The following GRIK2 variants were observed in gnomAD, a reference collection of about 807,000 sequenced individuals.
The protein encoded by GRIK2 is glutamate ionotropic receptor kainate type subunit 2, also known as glutamate receptor ionotropic, kainate 2.
In GRIK2, 32 loss-of-function variants were observed where a neutral mutation model predicts 100.3. The ratio of observed to expected loss-of-function variants is 0.32; its 90% CI spans 0.24 to 0.43. The LOEUF (loss-of-function observed/expected upper bound fraction) is 0.43, where lower values mean the gene tolerates loss of function less well. Among genes scored for constraint, GRIK2 ranks in the 20% least tolerant of loss-of-function variants. The pLI, the probability that GRIK2 is intolerant of heterozygous loss-of-function variation, is 1.00. For synonymous variants in GRIK2, 417 were observed against 389.4 expected (o/e 1.07, Z -0.83); for missense variants, 843 against 1,114.9 (o/e 0.76, Z 3.47).
chr6:101,969,995 A>C (rs1792940116), intron 14 of GRIK2, among the ~76,000 whole-genome samples: 1 of 151,914 alleles, frequency 6.6e-6, no homozygotes, highest in Admixed American at 6.6e-5. Flanking sequence ...CATCTCACCT[A>C]ATTCAATTTT....
At chr6:102,018,977 C>T (rs185400676) in intron 14 of GRIK2, among the ~76,000 whole-genome samples, 6 of 151,810 alleles carry the variant, frequency 4.0e-5, no homozygotes, top group South Asian at 2.1e-4. Flanking sequence ...TTTTTTTCTG[C>T]GAAGGGGTTT....
intron 7 of GRIK2, among the ~76,000 whole-genome samples, chr6:101,722,945 C>A (rs2128366372): frequency 6.6e-6 from 1 of 152,106 alleles, no homozygotes; most frequent in East Asian, 1.9e-4. Flanking sequence ...AGGGTCCAAT[C>A]CTTCTTATCA....
chr6:101,696,309 A>G (rs543932296), intron 7 of GRIK2, among the ~76,000 whole-genome samples: 2 of 151,716 alleles, frequency 1.3e-5, no homozygotes, highest in Non-Finnish European at 2.9e-5. Context: ...TATATTATAT[A>G]TAATGCACAA....
At chr6:102,054,618 T>C (rs375275150) in intron 15 of GRIK2, among the ~76,000 whole-genome samples, 22 of 152,248 alleles carry the variant, frequency 1.4e-4, no homozygotes, top group Non-Finnish European at 2.9e-4. Flanking sequence ...ATACGTTTTA[T>C]TTATATTGTT....
At chr6:101,586,711 A>G (rs1387025745) in intron 2 of GRIK2, among the ~76,000 whole-genome samples, 1 of 140,638 alleles carries the variant, frequency 7.1e-6, no homozygotes, top group Non-Finnish European at 1.6e-5. Flanking sequence ...TCTACTAAAA[A>G]TAAAATTAAA....
At chr6:101,672,243 T>C (rs1312224247) in intron 4 of GRIK2, among the ~76,000 whole-genome samples, 1 of 152,150 alleles carries the variant, frequency 6.6e-6, no homozygotes, top group Non-Finnish European at 1.5e-5. Context: ...TCAATAATCA[T>C]TTTTTAAAAA....
At chr6:101,551,890 A>G (rs1040578616) in intron 2 of GRIK2, among the ~76,000 whole-genome samples, 32 of 152,290 alleles carry the variant, frequency 2.1e-4, no homozygotes, top group African/African-American at 7.2e-4. Flanking sequence ...TTGCTTCCTG[A>G]TATGGTGGCA....
intron 2 of GRIK2, among the ~76,000 whole-genome samples, chr6:101,437,713 C>T (rs1769812064): frequency 6.6e-6 from 1 of 152,048 alleles, no homozygotes. Context: ...TCCAGCTTGC[C>T]AGCTTGTCAG....
chr6:101,685,432 G>A (rs975120801), intron 6 of GRIK2, among the ~76,000 whole-genome samples: 3 of 152,098 alleles, frequency 2.0e-5, no homozygotes, highest in African/African-American at 7.2e-5. Flanking sequence ...TCGAGGGTTA[G>A]CTATGCCAAC....
chr6:101,427,794 C>T (rs1157871928), intron 2 of GRIK2, among the ~76,000 whole-genome samples: 5 of 152,158 alleles, frequency 3.3e-5, no homozygotes, highest in Non-Finnish European at 7.3e-5. Flanking sequence ...GTCTGTTAGT[C>T]AGTCACTTTG....
At chr6:101,659,744 G>C (rs1266831631) in intron 4 of GRIK2, among the ~76,000 whole-genome samples, 1 of 152,134 alleles carries the variant, frequency 6.6e-6, no homozygotes, top group Non-Finnish European at 1.5e-5. Context: ...TAGTTTGGCT[G>C]GATATGAAAT....
At chr6:101,654,814 C>G (rs1490788340) in intron 4 of GRIK2, among the ~76,000 whole-genome samples, 1 of 152,152 alleles carries the variant, frequency 6.6e-6, no homozygotes, top group Non-Finnish European at 1.5e-5. Context: ...GCTCAACCCA[C>G]TCTCCTATCC....
intron 7 of GRIK2, among the ~76,000 whole-genome samples, chr6:101,775,453 C>G (rs1011772566): frequency 6.6e-6 from 1 of 151,872 alleles, no homozygotes; most frequent in Non-Finnish European, 1.5e-5. Flanking sequence ...CAATTTGTCT[C>G]TTCCTTTCAG....
At chr6:101,749,613 C>A (rs112131932) in intron 7 of GRIK2, among the ~76,000 whole-genome samples, 1 of 151,894 alleles carries the variant, frequency 6.6e-6, no homozygotes. Context: ...GGACATTTTT[C>A]ATAAATTTAT....
intron 12 of GRIK2, among the ~76,000 whole-genome samples, chr6:101,895,161 AC>A (rs1348896830): frequency 6.6e-6 from 1 of 151,838 alleles, no homozygotes; most frequent in Non-Finnish European, 1.5e-5. Context: ...GTATTAAGTA[AC>A]CTGGACTTCT....
intron 12 of GRIK2, among the ~76,000 whole-genome samples, chr6:101,902,879 A>G (rs1282527385): frequency 6.6e-6 from 1 of 151,934 alleles, no homozygotes; most frequent in Non-Finnish European, 1.5e-5. Context: ...CGCGGGTAAT[A>G]GGAAACTTCA....
At chr6:101,594,813 G>A (rs1304949784) in intron 2 of GRIK2, among the ~76,000 whole-genome samples, 2 of 151,770 alleles carry the variant, frequency 1.3e-5, no homozygotes. Flanking sequence ...TTAAAAGCAT[G>A]GATGAAGGCA....
chr6:101,723,911 GTTATC>G (rs1455254737), intron 7 of GRIK2, among the ~76,000 whole-genome samples: 1 of 151,558 alleles, frequency 6.6e-6, no homozygotes, highest in African/African-American at 2.4e-5. Flanking sequence ...ACCTCTTCTT[GTTATC>G]TTTTTCTTAT....
chr6:102,068,437 G>A lies in GRIK2; in HGVS notation c.2653G>A (p.Val885Met). The change falls in exon 17 of 17, where the codon GTG (valine) becomes ATG (methionine). Residue 885 changes from valine (V) to methionine (M), a missense_variant. Val to Met is a conservative substitution (Grantham distance 21). This residue lies in a region of GRIK2 where 87 missense variants were observed against 83.2 expected (regional missense o/e 1.05). Coordinates refer to ENST00000369134, the MANE Select transcript of GRIK2 (RefSeq NM_021956.5). ...LKHKPQAPVI[V>M]KTEEVINMHT... The stretch of plus-strand genomic sequence containing the variant: ...ACATAAGCCACAGGCCCCAGTTATT[G>A]TGAAAACAGAAGAAGTTATCAACAT... The A allele has an allele frequency of 1.2e-6, 2 of 1,612,136 alleles. No individual in the cohort carries two copies. The highest frequency in any genetic ancestry group is 1.7e-6 in the Non-Finnish European group (2 of 1,178,620).
Sources: gnomAD v4.1 joint callset for allele counts (sites outside exome capture counted in the v4.1 genomes callset) on GRCh38, gnomAD v4.1.1 for gene constraint, gnomAD v4.1.1 regional missense constraint, MANE v1.5 for transcripts, NCBI Gene and HGNC (gene_info 2026-07-23, HGNC 2026-07-21) for gene names.